KIF20B: variants seen among roughly 807,000 people sequenced by gnomAD.
KIF20B encodes the protein kinesin-like protein KIF20B.
KIF20B carries 188 observed loss-of-function variants against 232.5 expected under a neutral mutation model. The observed-to-expected ratio is 0.81, with a 90% CI of 0.72 to 0.91. The LOEUF is 0.91. Among genes scored for constraint, KIF20B ranks in the 40% least tolerant of loss-of-function variants. The pLI, the probability that KIF20B is intolerant of heterozygous loss-of-function variation, is 0.00. For missense variants in KIF20B, 2,154 were observed against 2,055.9 expected (o/e 1.05, Z -0.92); for synonymous variants, 712 against 683.0 (o/e 1.04, Z -0.66).
At chr10:89,750,541 T>G (rs1842000986) in intron 23 of KIF20B, among the ~76,000 whole-genome samples, 1 of 152,154 alleles carries the variant, frequency 6.6e-6, no homozygotes, top group Non-Finnish European at 1.5e-5. Flanking sequence ...TTTGTGTTAC[T>G]AAAAGCAGCC....
At chr10:89,709,720 T>A (rs534831188) in intron 4 of KIF20B, among the ~76,000 whole-genome samples, 1 of 152,144 alleles carries the variant, frequency 6.6e-6, no homozygotes, top group East Asian at 1.9e-4. Context: ...TTTCAAAACT[T>A]AGGTGAATAC....
intron 21 of KIF20B, among the ~76,000 whole-genome samples, chr10:89,740,170 TTTC>T (rs771119235): frequency 5.2e-4 from 79 of 152,182 alleles, no homozygotes; most frequent in South Asian, 3.1e-3. Flanking sequence ...CATATTTTTA[TTTC>T]TATTTGTCTA....
At chr10:89,736,531 G>A (rs532117354) in intron 19 of KIF20B, among the ~76,000 whole-genome samples, 53 of 152,194 alleles carry the variant, frequency 3.5e-4, no homozygotes, top group African/African-American at 1.2e-3. Flanking sequence ...CAACATTTAT[G>A]TAGTCATTTA....
At chr10:89,754,431 G>C in intron 25 of KIF20B, 87 bp from the exon 26 acceptor site, 2 of 790,844 alleles carry the variant, frequency 2.5e-6, no homozygotes, top group Non-Finnish European at 3.6e-6. Flanking sequence ...GAGGTGAAAA[G>C]TAATGGATTG....
At position 89,719,689 on chromosome 10, in the gene KIF20B, A is replaced by T; in HGVS notation, c.1705A>T (p.Ser569Cys). The T allele has an allele frequency of 6.2e-7, 1 of 1,603,386 alleles. No homozygotes were observed. Among genetic ancestry groups the T allele is most frequent in the East Asian group, 2.2e-5 (1 of 44,742 alleles). The change falls in exon 13 of 33, where the codon AGC (serine) becomes TGC (cysteine). Residue 569 changes from serine (S) to cysteine (C), a missense_variant. Transcript: ENST00000371728. ...ATTAGAGGAAAATAAGGCTTTCATT[A>T]GCCACGAGGAGAAAAGAGTATGTAT... is the stretch of plus-strand genomic sequence containing the variant. ...KTLEENKAFI[S>C]HEEKRKLLDL...
chr10:89,772,294 T>G (rs1468308772), intron 31 of KIF20B, among the ~76,000 whole-genome samples: 1 of 152,056 alleles, frequency 6.6e-6, no homozygotes, highest in Non-Finnish European at 1.5e-5. Flanking sequence ...GTGCATAACT[T>G]TATGCATGAG....
In KIF20B at chr10:89,738,637, A is replaced by C. The variant is rs779894255; in HGVS notation, c.3776+20A>C. 20 of 1,520,138 alleles carry C rather than the reference A, an allele frequency of 1.3e-5. No individual in the cohort carries two copies. The highest frequency in any genetic ancestry group is 1.6e-5 in the Non-Finnish European group (18 of 1,142,206). The allele number at this position is 1,520,138 out of a possible 1,614,324, so 94.2% of individuals were successfully genotyped here. ...AGAAAAGTAAGCTAAATGTTATTCA[A>C]AATATTTTAAAATACACAAAGCATT... On this transcript the variant is annotated intron_variant, in intron 20 of 32. Coordinates refer to ENST00000371728, the MANE Select transcript of KIF20B (RefSeq NM_001284259.2).
At chr10:89,711,695 A>G (rs764818495) in intron 6 of KIF20B, among the ~76,000 whole-genome samples, 1 of 151,984 alleles carries the variant, frequency 6.6e-6, no homozygotes, top group Non-Finnish European at 1.5e-5. Context: ...TTTTTTAAAC[A>G]AAAAAGAGAT....
intron 27 of KIF20B, among the ~76,000 whole-genome samples, chr10:89,760,224 C>T (rs1051381582): frequency 6.6e-6 from 1 of 152,060 alleles, no homozygotes; most frequent in Non-Finnish European, 1.5e-5. Flanking sequence ...GCCAGACCTA[C>T]CTGCAGAGTT....
Position 89,709,301 on chromosome 10 carries a change from A to G in KIF20B, c.235-44A>G, listed in dbSNP as rs1453489667. 3.1e-6 allele frequency: 5 copies of G among 1,588,966 alleles called. No homozygotes were observed. The African/African-American group carries it at 5.4e-5, about 17-fold the overall frequency. On this transcript the variant is annotated intron_variant, in intron 3 of 32. Coordinates refer to ENST00000371728, the MANE Select transcript of KIF20B (RefSeq NM_001284259.2). ...TTTTAATATTTTACTTTCATTTAAA[A>G]TGGCAAAATACTAGTTTTTATTTAT...
rs1341383895 is a variant in KIF20B, at chr10:89,717,631, G to C, written c.1180G>C (p.Gly394Arg). Residue 394 changes from glycine (G) to arginine (R), a missense_variant, in exon 11 of 33, where the codon GGT (glycine) becomes CGT (arginine). Coordinates refer to ENST00000371728, the MANE Select transcript of KIF20B (RefSeq NM_001284259.2). ...SERTMKTQNE[G>R]ERLRETGNIN... ...ACGAACTATGAAGACACAGAATGAA[G>C]GTGAAAGGTTAAGAGAGACTGGGAA... The C allele has an allele frequency of 6.2e-7, 1 of 1,611,684 alleles. No homozygotes were observed. Among genetic ancestry groups the C allele is most frequent in the East Asian group, 2.2e-5 (1 of 44,712 alleles).
chr10:89,710,879 A>G, intron 5 of KIF20B, 82 bp from the exon 6 acceptor site: 1 of 1,083,636 alleles, frequency 9.2e-7, no homozygotes, highest in Non-Finnish European at 1.3e-6. Flanking sequence ...TATTGGTAGT[A>G]TAAAAGGAGC....
chr10:89,760,709 G>GGTATCTTCAGCAACTTAC, intron 28 of KIF20B, 73 bp downstream of exon 28: 2 of 913,276 alleles, frequency 2.2e-6, no homozygotes, highest in Non-Finnish European at 3.5e-6. Context: ...GTACAAGTAA[G>GGTATCTTCAGCAACTTAC]TTGCTGAAGA....
intron 31 of KIF20B, 26 bp downstream of exon 31, chr10:89,768,914 CT>C: frequency 7.7e-6 from 12 of 1,561,084 alleles, no homozygotes; most frequent in Non-Finnish European, 1.0e-5. Flanking sequence ...ATTAAATGAC[CT>C]TTTTTTGTTA....
At chr10:89,721,364 C>T (rs1440280723) in intron 13 of KIF20B, among the ~76,000 whole-genome samples, 6 of 152,174 alleles carry the variant, frequency 3.9e-5, no homozygotes, top group Middle Eastern at 6.8e-3. Flanking sequence ...TCCTCAGTGA[C>T]GAAAGGAGCC....
chr10:89,718,652 C>A (rs1009975499), intron 11 of KIF20B, 58 bp from the exon 12 acceptor site: 1 of 1,324,090 alleles, frequency 7.6e-7, no homozygotes, highest in Non-Finnish European at 1.1e-6. Context: ...TGTCTCAGCA[C>A]CCTGATTTCA....
chr10:89,743,654 G>A (rs1022884489), intron 21 of KIF20B, among the ~76,000 whole-genome samples, 154 bp from the exon 22 acceptor site: 2 of 152,136 alleles, frequency 1.3e-5, no homozygotes, highest in Admixed American at 1.3e-4. Flanking sequence ...TGAAGCTATA[G>A]TGTGTTTGAT....
At chr10:89,712,639 A>G (rs1287311293) in intron 6 of KIF20B, among the ~76,000 whole-genome samples, 4 of 152,202 alleles carry the variant, frequency 2.6e-5, no homozygotes, top group African/African-American at 9.6e-5. Flanking sequence ...AGTTTTGAGG[A>G]CAAATGGTAC....
chr10:89,738,411 G>T lies in KIF20B; in HGVS notation c.3570G>T (p.Lys1190Asn). 2 of 1,601,520 alleles carry T rather than the reference G, an allele frequency of 1.2e-6. No individual in the cohort carries two copies. The highest frequency in any genetic ancestry group is 1.7e-6 in the Non-Finnish European group (2 of 1,176,906). The change falls in exon 20 of 33, where the codon AAG (lysine) becomes AAT (asparagine). Residue 1190 changes from lysine (K) to asparagine (N), a missense_variant. Transcript: ENST00000371728. ...AGTTAGAACAAGACATTTTGGAAAA[G>T]GAATCTATCATCTTAAAGCTAGAAA... ...SAKLEQDILEKESIILKLERN... is the reference protein window; with the variant it reads ...SAKLEQDILENESIILKLERN...
Sources: allele counts gnomAD v4.1 joint callset (sites outside exome capture counted in the v4.1 genomes callset), GRCh38; gene constraint gnomAD v4.1.1; transcripts MANE v1.5; gene names NCBI Gene and HGNC (gene_info 2026-07-23, HGNC 2026-07-21).